Variants in AGBL4 observed in about 807,000 individuals in gnomAD.
AGBL4 encodes the protein AGBL carboxypeptidase 4.
Under a neutral mutation model 66.4 loss-of-function variants are expected in AGBL4, and 58 were observed. The observed-to-expected ratio is 0.87, with a 90% CI of 0.71 to 1.09. The LOEUF is 1.09. Ranked by LOEUF, AGBL4 falls within the 50% of genes least tolerant of loss-of-function variation. The pLI is 0.00. For synonymous variants in AGBL4, 234 were observed against 222.9 expected (o/e 1.05, Z -0.44); for missense variants, 579 against 631.0 (o/e 0.92, Z 0.88).
intron 9 of AGBL4, among the ~76,000 whole-genome samples, chr1:48,610,399 C>T (rs772907013): frequency 1.3e-5 from 2 of 152,188 alleles, no homozygotes; most frequent in Admixed American, 6.5e-5. Flanking sequence ...AGACTACAGT[C>T]ATACCACAGA....
intron 3 of AGBL4, among the ~76,000 whole-genome samples, chr1:49,475,122 G>C (rs574904054): frequency 6.6e-6 from 1 of 152,068 alleles, no homozygotes; most frequent in Non-Finnish European, 1.5e-5. Flanking sequence ...TTGATGCCTA[G>C]TTTGTTGAGG....
intron 2 of AGBL4, among the ~76,000 whole-genome samples, chr1:49,762,453 C>G (rs1289763580): frequency 6.6e-6 from 1 of 150,392 alleles, no homozygotes; most frequent in Non-Finnish European, 1.5e-5. Context: ...TGCTCTGTCG[C>G]CCAGGCTGGA....
At chr1:48,663,319 C>G in intron 6 of AGBL4, 78 bp from the exon 7 acceptor site, 1 of 1,373,836 alleles carries the variant, frequency 7.3e-7, no homozygotes, top group South Asian at 1.2e-5. Context: ...GGCAGGGAAC[C>G]CCAGAGGGAA....
rs1033430809 is a variant in AGBL4, at chr1:49,245,965, T to C, written c.283-101A>G. 7.1e-6 allele frequency: 6 copies of C among 843,518 alleles called. No homozygotes were observed. The Admixed American group carries it at 1.3e-4, about 18-fold the overall frequency. 52.3% of individuals were successfully genotyped at this position (843,518 alleles called of 1,614,324 possible). A position where few individuals can be genotyped will look rare whatever the true frequency, so the allele number is the denominator to read the frequency against. On this transcript the variant is annotated intron_variant, in intron 3 of 13. Transcript: ENST00000371839. ...AGAAACAGGGTTAAAGAAAGCCATA[T>C]GGACTAGCAGGCAACTGTATAGTGA...
intron 3 of AGBL4, among the ~76,000 whole-genome samples, chr1:49,457,907 C>T (rs1340635289): frequency 6.6e-6 from 1 of 151,672 alleles, no homozygotes; most frequent in Non-Finnish European, 1.5e-5. Context: ...CTGTTCTGTA[C>T]CATTGATCTG....
At chr1:49,945,572 A>T (rs1655133260) in intron 1 of AGBL4, among the ~76,000 whole-genome samples, 1 of 152,250 alleles carries the variant, frequency 6.6e-6, no homozygotes, top group South Asian at 2.1e-4. Flanking sequence ...AGAGCTCTAA[A>T]TCTTGAAACA....
intron 8 of AGBL4, among the ~76,000 whole-genome samples, chr1:48,645,182 C>T (rs1250738687): frequency 1.3e-5 from 2 of 152,180 alleles, no homozygotes; most frequent in African/African-American, 4.8e-5. Flanking sequence ...CTGCCAGCCC[C>T]AGTGTCCTTT....
intron 5 of AGBL4, among the ~76,000 whole-genome samples, chr1:49,038,384 C>G (rs901877406): frequency 6.6e-6 from 1 of 152,030 alleles, no homozygotes; most frequent in Admixed American, 6.6e-5. Flanking sequence ...CTTAGGGTGG[C>G]TGAACATAAC....
intron 2 of AGBL4, among the ~76,000 whole-genome samples, chr1:49,841,444 T>C (rs1302219470): frequency 2.6e-5 from 4 of 152,180 alleles, no homozygotes; most frequent in African/African-American, 9.7e-5. Flanking sequence ...AATTCAATGT[T>C]ATTTCAACCA....
At chr1:49,454,764 T>C (rs1404374179) in intron 3 of AGBL4, among the ~76,000 whole-genome samples, 1 of 151,598 alleles carries the variant, frequency 6.6e-6, no homozygotes, top group Non-Finnish European at 1.5e-5. Context: ...TAGGTGAGTC[T>C]CATAAGTCTC....
At chr1:49,942,529 C>G (rs1654856133) in intron 1 of AGBL4, among the ~76,000 whole-genome samples, 1 of 152,068 alleles carries the variant, frequency 6.6e-6, no homozygotes, top group South Asian at 2.1e-4. Flanking sequence ...AATAAATCCA[C>G]ATATTTACTA....
intron 2 of AGBL4, among the ~76,000 whole-genome samples, chr1:49,741,804 T>C (rs1391465734): frequency 6.6e-6 from 1 of 152,110 alleles, no homozygotes; most frequent in African/African-American, 2.4e-5. Flanking sequence ...AAAAACCATA[T>C]GATTATCTCA....
intron 2 of AGBL4, among the ~76,000 whole-genome samples, chr1:49,761,435 T>C (rs1406617104): frequency 6.6e-6 from 1 of 152,208 alleles, no homozygotes; most frequent in African/African-American, 2.4e-5. Context: ...AAATGAGCTC[T>C]AATCCAACAC....
At chr1:48,847,840 C>G (rs965901935) in intron 6 of AGBL4, among the ~76,000 whole-genome samples, 3 of 152,160 alleles carry the variant, frequency 2.0e-5, no homozygotes, top group Non-Finnish European at 2.9e-5. Context: ...ACCTGGTACA[C>G]AGTCTGTGCT....
chr1:49,970,708 AACACACACACACAC>A (rs373722460), intron 1 of AGBL4, among the ~76,000 whole-genome samples: 4 of 113,994 alleles, frequency 3.5e-5, no homozygotes, highest in African/African-American at 6.5e-5. Context: ...AAAAAAACAA[AACACACACACACAC>A]ACACACACAC....
intron 2 of AGBL4, chr1:49,842,361 C>A: frequency 1.7e-6 from 1 of 574,738 alleles, no homozygotes; most frequent in Admixed American, 2.7e-5. Flanking sequence ...GCGGTGGACT[C>A]TGGAGTTCCC....
At chr1:49,105,104 A>C (rs1571458899) in intron 4 of AGBL4, among the ~76,000 whole-genome samples, 1 of 152,146 alleles carries the variant, frequency 6.6e-6, no homozygotes, top group East Asian at 1.9e-4. Context: ...TTATTTATTT[A>C]TTTTAGGCAT....
intron 3 of AGBL4, among the ~76,000 whole-genome samples, chr1:49,432,018 C>T (rs1158740264): frequency 6.6e-6 from 1 of 152,032 alleles, no homozygotes; most frequent in African/African-American, 2.4e-5. Flanking sequence ...GGCCTTAAAG[C>T]ATGACAAAAT....
chr1:48,977,486 T>C (rs1054492522), intron 5 of AGBL4, among the ~76,000 whole-genome samples: 3 of 152,100 alleles, frequency 2.0e-5, no homozygotes, highest in South Asian at 4.1e-4. Flanking sequence ...AGTGAGAACA[T>C]AGACATCCGA....
Sources: allele counts gnomAD v4.1 joint callset (sites outside exome capture counted in the v4.1 genomes callset), GRCh38; gene constraint gnomAD v4.1.1; transcripts MANE v1.5; gene names NCBI Gene and HGNC (gene_info 2026-07-23, HGNC 2026-07-21).